The following CTNNA3 variants were observed in gnomAD, a reference collection of about 807,000 sequenced individuals.
The protein encoded by CTNNA3 is catenin alpha 3.
In CTNNA3, 76 loss-of-function variants were observed where a neutral mutation model predicts 95.7. That is an observed-to-expected ratio of 0.79 (90% CI 0.66 to 0.96). CTNNA3 has a LOEUF of 0.96. CTNNA3 is among the 40% of genes least tolerant of loss of function. The pLI is 0.00. For missense variants in CTNNA3, 1,191 were observed against 1,089.8 expected, an observed-to-expected ratio of 1.09 and a Z score of -1.31; for synonymous variants, 431 against 374.4, an observed-to-expected ratio of 1.15 and a Z score of -1.74.
At chr10:66,223,275 C>T (rs2089070371) in intron 13 of CTNNA3, among the ~76,000 whole-genome samples, 1 of 151,912 alleles carries the variant, frequency 6.6e-6, no homozygotes, top group South Asian at 2.1e-4. Context: ...GGAAGTTTAG[C>T]ATTTTTAAAC....
intron 3 of CTNNA3, among the ~76,000 whole-genome samples, chr10:67,565,751 T>A (rs923702703): frequency 2.7e-5 from 4 of 150,284 alleles, no homozygotes; most frequent in Non-Finnish European, 5.9e-5. Context: ...ATTCTGTTGG[T>A]AGAAATATAA....
chr10:66,707,961 T>C (rs1257294384), intron 9 of CTNNA3, among the ~76,000 whole-genome samples: 1 of 152,114 alleles, frequency 6.6e-6, no homozygotes, highest in Non-Finnish European at 1.5e-5. Flanking sequence ...TCATAATTGG[T>C]AGGAAATATC....
intron 5 of CTNNA3, among the ~76,000 whole-genome samples, chr10:67,373,741 T>C (rs1395565975): frequency 1.3e-5 from 2 of 152,226 alleles, no homozygotes; most frequent in Non-Finnish European, 2.9e-5. Context: ...TCTATATTTA[T>C]GTTTTCTTAT....
intron 15 of CTNNA3, among the ~76,000 whole-genome samples, chr10:66,019,442 C>T (rs182441828): frequency 7.2e-6 from 1 of 138,902 alleles, no homozygotes; most frequent in Admixed American, 7.5e-5. Context: ...GGAATCAGAT[C>T]CCCCCCAAAA....
chr10:67,638,111 G>C (rs1839388673), intron 2 of CTNNA3, among the ~76,000 whole-genome samples: 1 of 152,098 alleles, frequency 6.6e-6, no homozygotes, highest in Non-Finnish European at 1.5e-5. Flanking sequence ...GCTGCATTCA[G>C]GAAACCCATC....
intron 5 of CTNNA3, among the ~76,000 whole-genome samples, chr10:67,314,428 C>A (rs945813529): frequency 1.3e-5 from 2 of 152,036 alleles, no homozygotes; most frequent in Non-Finnish European, 2.9e-5. Flanking sequence ...TCACATATTG[C>A]CACTATTGAT....
chr10:67,238,658 T>C (rs533806845), intron 5 of CTNNA3, among the ~76,000 whole-genome samples: 2 of 152,248 alleles, frequency 1.3e-5, no homozygotes, highest in East Asian at 3.9e-4. Context: ...AAATTTTTAT[T>C]GGAAAACGCA....
intron 4 of CTNNA3, among the ~76,000 whole-genome samples, chr10:67,532,469 T>C (rs1201847411): frequency 6.6e-6 from 1 of 152,232 alleles, no homozygotes; most frequent in Non-Finnish European, 1.5e-5. Flanking sequence ...TAGCAAATGT[T>C]AAATATACAT....
At chr10:66,035,018 AGC>A (rs2079532876) in intron 15 of CTNNA3, among the ~76,000 whole-genome samples, 1 of 152,172 alleles carries the variant, frequency 6.6e-6, no homozygotes. Context: ...ACATTTGACC[AGC>A]GTGCAGTGTT....
At chr10:66,344,486 C>G (rs1250197330) in intron 12 of CTNNA3, among the ~76,000 whole-genome samples, 1 of 151,714 alleles carries the variant, frequency 6.6e-6, no homozygotes, top group Non-Finnish European at 1.5e-5. Context: ...AGGCTGGTCT[C>G]GAACTCCTGA....
At chr10:65,990,157 C>A (rs1158459103) in intron 15 of CTNNA3, among the ~76,000 whole-genome samples, 2 of 151,284 alleles carry the variant, frequency 1.3e-5, no homozygotes, top group Non-Finnish European at 2.9e-5. Flanking sequence ...GATTTCACAT[C>A]TTTGCTATTG....
chr10:66,197,304 A>T (rs1426770947), intron 13 of CTNNA3, among the ~76,000 whole-genome samples: 1 of 152,118 alleles, frequency 6.6e-6, no homozygotes, highest in Non-Finnish European at 1.5e-5. Context: ...TCTGATGTAT[A>T]AAACAAATGC....
chr10:66,724,974 T>C (rs1043965669), intron 9 of CTNNA3, among the ~76,000 whole-genome samples: 1 of 152,174 alleles, frequency 6.6e-6, no homozygotes, highest in African/African-American at 2.4e-5. Flanking sequence ...AATTCATGGA[T>C]GCTGAAGTCT....
chr10:66,840,410 A>C (rs75046444), intron 7 of CTNNA3, among the ~76,000 whole-genome samples: 6,431 of 114,574 alleles, frequency 0.056, 213 homozygotes, highest in South Asian at 0.082. Context: ...ACACACACAC[A>C]CCCCTCGGTA....
At chr10:66,288,539 T>C (rs1037506763) in intron 12 of CTNNA3, among the ~76,000 whole-genome samples, 1 of 152,138 alleles carries the variant, frequency 6.6e-6, no homozygotes, top group Admixed American at 6.6e-5. Context: ...GGCCACCAGA[T>C]ATACGCTGCT....
intron 9 of CTNNA3, among the ~76,000 whole-genome samples, chr10:66,639,787 G>A (rs1038498810): frequency 6.6e-6 from 1 of 152,062 alleles, no homozygotes; most frequent in Non-Finnish European, 1.5e-5. Context: ...GTCCTTTTAT[G>A]TTTAAATAAG....
intron 3 of CTNNA3, among the ~76,000 whole-genome samples, chr10:67,552,349 G>T (rs1841063242): frequency 6.6e-6 from 1 of 152,048 alleles, no homozygotes; most frequent in Non-Finnish European, 1.5e-5. Context: ...TGATTTTCAT[G>T]CAATACTATT....
chr10:66,066,082 C>T (rs936467099), intron 15 of CTNNA3, among the ~76,000 whole-genome samples: 4 of 152,116 alleles, frequency 2.6e-5, no homozygotes, highest in East Asian at 3.9e-4. Flanking sequence ...AGGCTGGTCT[C>T]GAACTCCCAA....
At chr10:66,675,138 A>G (rs7912800) in intron 9 of CTNNA3, among the ~76,000 whole-genome samples, 83,520 of 151,288 alleles carry the variant, frequency 0.55, 23,728 homozygotes, top group African/African-American at 0.68. Context: ...TGCTGGAAAG[A>G]CTGTCTACTT....
Sources: allele counts gnomAD v4.1 joint callset (sites outside exome capture counted in the v4.1 genomes callset), GRCh38; gene constraint gnomAD v4.1.1; transcripts MANE v1.5; gene names NCBI Gene and HGNC (gene_info 2026-07-23, HGNC 2026-07-21).